EIF4G1: variants seen among roughly 807,000 people sequenced by gnomAD.
EIF4G1 encodes eukaryotic translation initiation factor 4 gamma 1.
EIF4G1 carries 4 observed loss-of-function variants against 187.8 expected under a neutral mutation model. That is an observed-to-expected ratio of 0.02 (90% CI 0.01 to 0.05). The LOEUF is 0.05. EIF4G1 is among the 10% of genes least tolerant of loss of function. EIF4G1 has a pLI of 1.00. For missense variants in EIF4G1, 1,647 were observed against 2,081.1 expected, an observed-to-expected ratio of 0.79 and a Z score of 4.06; for synonymous variants, 844 against 781.4, an observed-to-expected ratio of 1.08 and a Z score of -1.34.
rs1723900363 is a variant in EIF4G1, at chr3:184,321,504, C to T, written c.920C>T (p.Thr307Ile). 6.2e-7 allele frequency: 1 copy of T among 1,614,212 alleles called. No homozygotes were observed. Among genetic ancestry groups the T allele is most frequent in the Non-Finnish European group, 8.5e-7 (1 of 1,180,042 alleles). The change falls in exon 10 of 33, where the codon ACT (threonine) becomes ATT (isoleucine). Residue 307 changes from threonine to isoleucine, a missense_variant. Physicochemically the swap from Thr to Ile is moderately conservative, Grantham distance 89. Around this residue, in one of 11 missense-constraint regions of EIF4G1, gnomAD observed 522 missense variants for 485.2 expected, o/e 1.08. Coordinates refer to ENST00000346169, the MANE Select transcript of EIF4G1 (RefSeq NM_198241.3). ...VEESTPISRE[T>I]GEPYRLSPEP... is the part of the protein sequence containing the mutation. ...GAATCAACCCCCATCTCCCGTGAAA[C>T]TGGGGAGCCATATCGCCTCTCTCCA...
Position 184,322,598 on chromosome 3 carries a change from G to T in EIF4G1, c.1663G>T (p.Gly555Cys). The part of the protein sequence containing the change: ...ENQPPAGSNP[G>C]PESEGSGVPP... ...TCAGCCTCCTGCAGGCAGCAATCCA[G>T]GCCCAGAGTCTGAGGGCAGTGGTGT... is the stretch of plus-strand genomic sequence containing the variant. The change falls in exon 12 of 33, where the codon GGC becomes TGC. Residue 555 changes from glycine (G) to cysteine (C), a missense_variant. Coordinates refer to ENST00000346169, the MANE Select transcript of EIF4G1 (RefSeq NM_198241.3). The T allele has an allele frequency of 1.2e-6, 2 of 1,614,204 alleles. No individual in the cohort carries two copies. Among genetic ancestry groups the T allele is most frequent in the Non-Finnish European group, 1.7e-6 (2 of 1,180,044 alleles).
chr3:184,329,588 A>G (rs1725631763), intron 28 of EIF4G1, among the ~76,000 whole-genome samples: 1 of 152,216 alleles, frequency 6.6e-6, no homozygotes, highest in South Asian at 2.1e-4. Context: ...AGATTGTGCC[A>G]CTGCACTCCA....
Position 184,323,097 on chromosome 3 carries a change from A to C in EIF4G1, c.1944A>C (p.Pro648=). The change falls in exon 14 of 33, where the codon CCA becomes CCC. Residue 648 remains proline, a synonymous_variant. Coordinates refer to ENST00000346169, the MANE Select transcript of EIF4G1 (RefSeq NM_198241.3). This position sits in a 1 kb window ranked among gnomAD's most constrained non-coding sequence, Gnocchi z 6.9. The part of the protein sequence containing the change: ...DVVLDKANKT[P]LRPLDPTRLQ... ...CCTCTTTGCAGGCCAATAAAACACC[A>C]CTGCGGCCACTGGATCCCACTAGAC... 6.2e-7 allele frequency: 1 copy of C among 1,614,138 alleles called. No individual in the cohort carries two copies. The highest frequency in any genetic ancestry group is 8.5e-7 in the Non-Finnish European group (1 of 1,180,022).
rs569779719 is a variant in EIF4G1 at position 184,327,296 on chromosome 3, G to A, written c.3509G>A (p.Arg1170His). The change falls in exon 24 of 33, where the codon CGT becomes CAT. Residue 1170 changes from arginine (R) to histidine (H), a missense_variant. Physicochemically the swap from Arg to His is conservative, Grantham distance 29 (BLOSUM62 0). This residue lies in a region of EIF4G1 where 543 missense variants were observed against 638.0 expected (regional missense o/e 0.85). Coordinates refer to ENST00000346169, the MANE Select transcript of EIF4G1 (RefSeq NM_198241.3). ...RLERSERGGD[R>H]GDRLDRARTP... ...GAGCGGAGTGAACGGGGAGGGGACC[G>A]TGGGGACCGGCTTGATCGTGCGCGG... is the stretch of plus-strand genomic sequence containing the variant. The A allele has an allele frequency of 4.3e-5, 70 of 1,613,882 alleles. 1 individual carries two copies. The South Asian group carries it at 5.2e-4, about 12-fold the overall frequency.
In EIF4G1 at chr3:184,331,786, C is replaced by T. The variant is rs768508010; in HGVS notation, c.4454C>T (p.Ala1485Val). Residue 1485 changes from alanine (A) to valine (V), a missense_variant, in exon 31 of 33, where the codon GCT (alanine) becomes GTT (valine). By Grantham distance (64) the Ala-to-Val change is moderately conservative (BLOSUM62 0). Around this residue, in one of 11 missense-constraint regions of EIF4G1, gnomAD observed 543 missense variants for 638.0 expected, o/e 0.85. Transcript: ENST00000346169. ...SNTLVRALMT[A>V]VCYSAIIFET... ...ACGTTAGTTCGAGCCCTCATGACGGCTGTCTGCTATTCTGCAATTATTTGT... is the reference window on the plus strand; with the variant it reads ...ACGTTAGTTCGAGCCCTCATGACGGTTGTCTGCTATTCTGCAATTATTTGT... The T allele has an allele frequency of 1.1e-5, 17 of 1,614,178 alleles. 1 individual carries two copies. The South Asian group carries it at 1.9e-4, about 18-fold the overall frequency.
rs543017147 is a variant in EIF4G1 at position 184,315,134 on chromosome 3, C to T, written c.-91-355C>T. The T allele has an allele frequency of 6.8e-4, 233 of 340,854 alleles. 2 individuals are homozygous for T. Among genetic ancestry groups the T allele is most frequent in the African/African-American group, 4.9e-3 (219 of 44,932 alleles). 21.1% of individuals were successfully genotyped at this position (340,854 alleles called of 1,614,324 possible). On this transcript the variant is annotated intron_variant, in intron 1 of 32. Transcript: ENST00000346169. ...CGGTGGCGGCGGGCAGGGAGGAGCC[C>T]CCGGCCCCGCCCGCCCTCCGGGCCG...
rs1262514763 is a variant in EIF4G1, at chr3:184,322,323, G to A, written c.1520-39G>A. On this transcript the variant is annotated intron_variant, in intron 10 of 32. Coordinates refer to ENST00000346169, the MANE Select transcript of EIF4G1 (RefSeq NM_198241.3). Reference sequence around the variant, plus strand: ...GATTAAGGGTACTCCTTAAATTATTGGCAAAGATCCATGCTTTTATTTATT... The same window carrying A: ...GATTAAGGGTACTCCTTAAATTATTAGCAAAGATCCATGCTTTTATTTATT... The A allele has an allele frequency of 6.9e-6, 11 of 1,592,026 alleles. No homozygotes were observed. The African/African-American group carries it at 1.5e-4, about 22-fold the overall frequency.
chr3:184,325,723 A>G lies in EIF4G1; in HGVS notation c.3121+84A>G. 1 of 1,611,478 alleles carries G rather than the reference A, an allele frequency of 6.2e-7. No homozygotes were observed. The highest frequency in any genetic ancestry group is 8.5e-7 in the Non-Finnish European group (1 of 1,177,700). ...CCTCTGATGACTTCCTGTTAGTGCC[A>G]CGTGTCTGGGCCACTGAGACACCAT... On this transcript the variant is annotated intron_variant, in intron 20 of 32. Transcript: ENST00000346169. This position sits in a 1 kb window ranked among gnomAD's most constrained non-coding sequence, Gnocchi z 5.2.
chr3:184,323,757 A>C lies in EIF4G1; in HGVS notation c.2275-23A>C. ...AGCCTGTTCTGAGACCCTCACTGGA[A>C]CTCTTGTCTCTTCTCCCTCCAGGAC... is the stretch of plus-strand genomic sequence containing the variant. On this transcript the variant is annotated intron_variant, in intron 15 of 32. Coordinates refer to ENST00000346169, the MANE Select transcript of EIF4G1 (RefSeq NM_198241.3). This position sits in a 1 kb window ranked among gnomAD's most constrained non-coding sequence, Gnocchi z 6.9. 1.2e-6 allele frequency: 2 copies of C among 1,612,784 alleles called. No homozygotes were observed. Among genetic ancestry groups the C allele is most frequent in the Non-Finnish European group, 1.7e-6 (2 of 1,179,922 alleles).
At chr3:184,326,665 G>A (rs760289022) in intron 22 of EIF4G1, 36 bp downstream of exon 22, 30 of 1,602,088 alleles carry the variant, frequency 1.9e-5, no homozygotes, top group Admixed American at 1.2e-4. Flanking sequence ...GTGGTTACCC[G>A]TCAGAGCTCC....
Position 184,325,543 on chromosome 3 carries a change from G to A in EIF4G1, c.3025G>A (p.Ala1009Thr). The A allele has an allele frequency of 1.2e-6, 2 of 1,614,222 alleles. No individual in the cohort carries two copies. Among genetic ancestry groups the A allele is most frequent in the Non-Finnish European group, 1.7e-6 (2 of 1,180,052 alleles). ...PKTIDQIHKE[A>T]EMEEHREHIK... ...GACCATTGACCAGATCCATAAGGAG[G>A]CTGAGATGGAAGAACATCGAGAGCA... Residue 1009 changes from alanine to threonine, a missense_variant, in exon 20 of 33, where the codon GCT (alanine) becomes ACT (threonine). By Grantham distance (58) the Ala-to-Thr change is moderately conservative. Transcript: ENST00000346169. This position sits in a 1 kb window ranked among gnomAD's most constrained non-coding sequence, Gnocchi z 5.2.
rs1250309300 is a variant in EIF4G1, at chr3:184,327,115, T to C, written c.3429-101T>C. 3 of 1,568,652 alleles carry C rather than the reference T, an allele frequency of 1.9e-6. No homozygotes were observed. In the African/African-American group the frequency reaches 4.1e-5, roughly 21 times the overall value. On this transcript the variant is annotated intron_variant, in intron 23 of 32. Transcript: ENST00000346169. Reference sequence around the variant, plus strand: ...CTTGGGTTAGATTGGGGCATACTCATTATGCTAAGAACAAGGCCCAACAGT... The same window carrying C: ...CTTGGGTTAGATTGGGGCATACTCACTATGCTAAGAACAAGGCCCAACAGT...
In EIF4G1 at chr3:184,334,939, A is replaced by T; in HGVS notation, c.*31A>T. ...GGTGGGGCCGGGGACCTGGAGCCCCATGGACACACAGATGGCCCGGCTAGC... is the reference window on the plus strand; with the variant it reads ...GGTGGGGCCGGGGACCTGGAGCCCCTTGGACACACAGATGGCCCGGCTAGC... On this transcript the variant is annotated 3_prime_UTR_variant, in exon 33 of 33. Coordinates refer to ENST00000346169, the MANE Select transcript of EIF4G1 (RefSeq NM_198241.3). The surrounding 1 kb of genome is among the most constrained non-coding windows in gnomAD (Gnocchi z 5.8). The T allele has an allele frequency of 6.2e-7, 1 of 1,612,820 alleles. No homozygotes were observed. Among genetic ancestry groups the T allele is most frequent in the Non-Finnish European group, 8.5e-7 (1 of 1,179,708 alleles).
chr3:184,319,673 TC>T lies in EIF4G1; in HGVS notation c.425-10del, dbSNP rs200117930. 1.2e-3 allele frequency: 1,870 copies of T among 1,505,398 alleles called. 9 individuals carry two copies. The African/African-American group carries it at 0.019, about 16-fold the overall frequency. 93.3% of individuals were successfully genotyped at this position (1,505,398 alleles called of 1,614,324 possible). On this transcript the variant is annotated splice_polypyrimidine_tract_variant and intron_variant, in intron 6 of 32. Coordinates refer to ENST00000346169, the MANE Select transcript of EIF4G1 (RefSeq NM_198241.3). ...CTGACGCTACCACCATTCTTCTCCGTCCCCCCTCCCCCAAGCTGGCGCCTAC... is the reference window on the plus strand; with the variant it reads ...CTGACGCTACCACCATTCTTCTCCGTCCCCCTCCCCCAAGCTGGCGCCTAC...
Position 184,316,206 on chromosome 3 carries a change from T to C in EIF4G1, c.135T>C (p.Ser45=). The C allele has an allele frequency of 6.2e-7, 1 of 1,614,054 alleles. No homozygotes were observed. Among genetic ancestry groups the C allele is most frequent in the Admixed American group, 1.7e-5 (1 of 60,020 alleles). Residue 45 remains serine, a synonymous_variant, in exon 4 of 33, where the codon TCT becomes TCC. Transcript: ENST00000346169. ...AAGCGACACAAATGAACACGCCTTC[T>C]CAGCCCCGCCAGGTGAGGGGCTGTG... is the stretch of plus-strand genomic sequence containing the variant. ...TPQATQMNTP[S]QPRQHFYPSR...
At chr3:184,316,326 C>T (rs1465231243) in intron 4 of EIF4G1, 108 bp downstream of exon 4, 1 of 1,398,008 alleles carries the variant, frequency 7.2e-7, no homozygotes, top group East Asian at 2.5e-5. Flanking sequence ...TGGCCTTAAT[C>T]CTCTGTGTTC....
In EIF4G1 at chr3:184,335,000, G is replaced by C; in HGVS notation, c.*92G>C. The C allele has an allele frequency of 6.6e-7, 1 of 1,523,342 alleles. No homozygotes were observed. The highest frequency in any genetic ancestry group is 9.0e-7 in the Non-Finnish European group (1 of 1,115,558). The allele number at this position is 1,523,342 out of a possible 1,614,324, so 94.4% of individuals were successfully genotyped here. On this transcript the variant is annotated 3_prime_UTR_variant, in exon 33 of 33. Coordinates refer to ENST00000346169, the MANE Select transcript of EIF4G1 (RefSeq NM_198241.3). This position sits in a 1 kb window ranked among gnomAD's most constrained non-coding sequence, Gnocchi z 5.8. ...GCAGGGGGGCGGCAGCAGCGGCGGT[G>C]GCAGTGGGTGCCTGTAGTGTGATGT...
chr3:184,324,920 C>T lies in EIF4G1; in HGVS notation c.2662C>T (p.Arg888Trp), dbSNP rs769869099. 13 of 1,614,072 alleles carry T rather than the reference C, an allele frequency of 8.1e-6. No homozygotes were observed. Among genetic ancestry groups the T allele is most frequent in the African/African-American group, 4.0e-5 (3 of 74,932 alleles). The change falls in exon 18 of 33, where the codon CGG becomes TGG. Residue 888 changes from arginine (R) to tryptophan (W), a missense_variant. By Grantham distance (101) the Arg-to-Trp change is moderately radical (BLOSUM62 -3). Around this residue, in one of 11 missense-constraint regions of EIF4G1, gnomAD observed 40 missense variants for 42.2 expected, o/e 0.95. Transcript: ENST00000346169. The stretch of plus-strand genomic sequence containing the variant: ...CCTGAAGGAAGAGCTGGAAGAGGCT[C>T]GGGACATAGCCCGGCGGCGCTCTTT... ...GRLKEELEEA[R>W]DIARRRSLGN...
chr3:184,328,566 A>G (rs1383469964), intron 26 of EIF4G1, 65 bp from the exon 27 acceptor site: 16 of 1,612,230 alleles, frequency 9.9e-6, no homozygotes, highest in Non-Finnish European at 1.3e-5. Context: ...TAGCCATGCC[A>G]CGTTGCCCCA....
Sources: allele counts gnomAD v4.1 joint callset (sites outside exome capture counted in the v4.1 genomes callset), GRCh38; gene constraint gnomAD v4.1.1; regional missense constraint gnomAD v4.1.1; non-coding constraint Gnocchi (gnomAD v3.1); transcripts MANE v1.5; gene names NCBI Gene and HGNC (gene_info 2026-07-23, HGNC 2026-07-21).